The following HNRNPUL1 variants were observed in gnomAD, a reference collection of about 807,000 sequenced individuals.
HNRNPUL1 encodes the protein heterogeneous nuclear ribonucleoprotein U-like protein 1.
A neutral mutation model predicts 108.5 loss-of-function variants in HNRNPUL1; 14 were observed. That is an observed-to-expected ratio of 0.13 (90% CI 0.09 to 0.20). HNRNPUL1 has a LOEUF of 0.20. HNRNPUL1 is among the 10% of genes least tolerant of loss of function. The pLI is 1.00. For synonymous variants in HNRNPUL1, 422 were observed against 445.2 expected, an observed-to-expected ratio of 0.95 and a Z score of 0.66; for missense variants, 804 against 1,168.3, an observed-to-expected ratio of 0.69 and a Z score of 4.55.
rs369020424 is a variant in HNRNPUL1 at position 41,305,820 on chromosome 19, C to G, written c.2407C>G (p.Pro803Ala). ...GGCCCCCTATACCCCACCGCCACCC[C>G]CCACTGCACAGACCTACCCTCAGCC... ...NPAPYTPPPP[P>A]TAQTYPQPSY... The change falls in exon 14 of 15, where the codon CCC becomes GCC. Residue 803 changes from proline (P) to alanine (A), a missense_variant. Coordinates refer to ENST00000392006, the MANE Select transcript of HNRNPUL1 (RefSeq NM_007040.6). The G allele has an allele frequency of 1.4e-5, 22 of 1,610,670 alleles. No individual in the cohort carries two copies. The highest frequency in any genetic ancestry group is 1.9e-5 in the Non-Finnish European group (22 of 1,177,826).
In HNRNPUL1 at chr19:41,283,281, T is replaced by C. The variant is rs184276574; in HGVS notation, c.999+2006T>C. On this transcript the variant is annotated intron_variant, in intron 7 of 14. Transcript: ENST00000392006. ...AGTACAGTATTAAATCATAACTGTT[T>C]TTATTTTATTTTTTTGAAGACAGAT... 2.2e-3 allele frequency among the ~76,000 whole-genome samples: 334 copies of C among 152,244 alleles called. 2 individuals carry two copies. Among genetic ancestry groups the C allele is most frequent in the African/African-American group, 7.7e-3 (318 of 41,542 alleles).
chr19:41,303,774 C>G (rs2037380497), intron 12 of HNRNPUL1, among the ~76,000 whole-genome samples, 198 bp from the exon 13 acceptor site: 2 of 152,192 alleles, frequency 1.3e-5, no homozygotes, highest in East Asian at 1.9e-4. Flanking sequence ...GTGAATGAGA[C>G]AAACCTGTCA....
At chr19:41,265,178 C>T (rs770954527) in intron 1 of HNRNPUL1, 20 of 1,465,532 alleles carry the variant, frequency 1.4e-5, no homozygotes, top group Non-Finnish European at 1.8e-5. Context: ...GTACGGAGCT[C>T]CGTGGGCTTG....
rs373007462 is a variant in HNRNPUL1, at chr19:41,264,638, G to C, written c.135G>C (p.Glu45Asp). Residue 45 changes from glutamate to aspartate, a missense_variant, in exon 1 of 15, where the codon GAG (glutamate) becomes GAC (aspartate). Physicochemically the swap from Glu to Asp is conservative, Grantham distance 45. This residue lies in a region of HNRNPUL1 where 256 missense variants were observed against 261.6 expected (regional missense o/e 0.98). Transcript: ENST00000392006. ...TGGAGGCCGAGGAGCCTGACGACGA[G>C]CGGGAGCTCGACGCCGACGACGAAC... ...AALEAEEPDD[E>D]RELDADDEPG... is the part of the protein sequence containing the mutation. 7 of 1,585,314 alleles carry C rather than the reference G, an allele frequency of 4.4e-6. No individual in the cohort carries two copies. Among genetic ancestry groups the C allele is most frequent in the Middle Eastern group, 1.9e-4 (1 of 5,380 alleles).
chr19:41,299,961 C>T (rs1355133951), intron 10 of HNRNPUL1, among the ~76,000 whole-genome samples: 5 of 152,056 alleles, frequency 3.3e-5, no homozygotes, highest in East Asian at 1.9e-4. Flanking sequence ...CTTTTACTCA[C>T]GTGGACTCAT....
intron 3 of HNRNPUL1, 126 bp downstream of exon 3, chr19:41,272,361 T>C: frequency 1.0e-6 from 1 of 952,900 alleles, no homozygotes; most frequent in South Asian, 1.7e-5. Context: ...TTTCACACTC[T>C]TCCTGTCCCT....
chr19:41,272,004 C>T, intron 2 of HNRNPUL1, 78 bp from the exon 3 acceptor site: 8 of 1,520,108 alleles, frequency 5.3e-6, no homozygotes, highest in Non-Finnish European at 4.5e-6. Context: ...TCACATCTCT[C>T]AAGGGAAAAG....
At chr19:41,269,480 GAAAAAAAAAA>G (rs35932282) in intron 2 of HNRNPUL1, among the ~76,000 whole-genome samples, 1 of 48,202 alleles carries the variant, frequency 2.1e-5, no homozygotes, top group Non-Finnish European at 3.9e-5. Context: ...ACCCTGTCAC[GAAAAAAAAAA>G]AAAAAAAAAA....
At chr19:41,265,860 G>A (rs1434067070) in intron 1 of HNRNPUL1, among the ~76,000 whole-genome samples, 1 of 151,984 alleles carries the variant, frequency 6.6e-6, no homozygotes, top group Non-Finnish European at 1.5e-5. Flanking sequence ...TGGGGAGGGG[G>A]GAGGCCGTAG....
intron 5 of HNRNPUL1, chr19:41,278,535 A>G (rs983513827): frequency 6.5e-6 from 1 of 152,798 alleles, no homozygotes; most frequent in African/African-American, 2.4e-5. Context: ...ACATACGTAG[A>G]CATACTTGTC....
chr19:41,266,467 T>C (rs1471830280), intron 1 of HNRNPUL1, among the ~76,000 whole-genome samples: 2 of 144,044 alleles, frequency 1.4e-5, no homozygotes, highest in East Asian at 4.3e-4. Context: ...TTCTCTTTTT[T>C]TTAAATACAG....
Position 41,285,251 on chromosome 19 carries a change from T to C in HNRNPUL1, c.999+3976T>C, listed in dbSNP as rs933346188. ...AAGGTATAATTGAAGAGAAGGGATA[T>C]CTGCCTGAACAGATTTTTAATGCCA... On this transcript the variant is annotated intron_variant, in intron 7 of 14. Transcript: ENST00000392006. Among the ~76,000 whole-genome samples, 7 of 152,258 alleles carry C rather than the reference T, an allele frequency of 4.6e-5. No individual in the cohort carries two copies. In the Middle Eastern group the frequency reaches 0.014, roughly 296 times the overall value.
At position 41,292,563 on chromosome 19, in the gene HNRNPUL1, G is replaced by GACAC. The variant is rs57173622; in HGVS notation, c.1266+72_1266+75dup. 358 of 1,505,020 alleles carry GACAC rather than the reference G, an allele frequency of 2.4e-4. No individual in the cohort carries two copies. The highest frequency in any genetic ancestry group is 5.3e-4 in the African/African-American group (38 of 71,826). 93.2% of individuals were successfully genotyped at this position (1,505,020 alleles called of 1,614,324 possible). On this transcript the variant is annotated intron_variant, in intron 8 of 14. Coordinates refer to ENST00000392006, the MANE Select transcript of HNRNPUL1 (RefSeq NM_007040.6). The surrounding 1 kb of genome is among the most constrained non-coding windows in gnomAD (Gnocchi z 4.1). ...GCCACCTTGCTGCCAAGACAGAGGA[G>GACAC]ACACACACACACACACACACACAGA...
intron 10 of HNRNPUL1, among the ~76,000 whole-genome samples, chr19:41,299,183 G>A (rs1456632752): frequency 6.6e-6 from 1 of 152,140 alleles, no homozygotes; most frequent in Non-Finnish European, 1.5e-5. Context: ...TTGTGGGCCG[G>A]TGTCCAAGAC....
chr19:41,277,109 C>CA (rs368135195), intron 5 of HNRNPUL1, among the ~76,000 whole-genome samples: 3 of 111,540 alleles, frequency 2.7e-5, no homozygotes, highest in Admixed American at 8.7e-5. Context: ...AAAAAAAAAA[C>CA]AAAAAAACAA....
At chr19:41,265,992 G>C (rs2034815763) in intron 1 of HNRNPUL1, among the ~76,000 whole-genome samples, 2 of 152,218 alleles carry the variant, frequency 1.3e-5, no homozygotes. Context: ...AGTTATTTGT[G>C]TACCCAGGGA....
At chr19:41,283,841 C>A (rs549724501) in intron 7 of HNRNPUL1, among the ~76,000 whole-genome samples, 1 of 152,308 alleles carries the variant, frequency 6.6e-6, no homozygotes, top group South Asian at 2.1e-4. Flanking sequence ...GATCTGCCCA[C>A]CTCGGCCTGC....
chr19:41,300,321 A>T (rs1599848070), intron 10 of HNRNPUL1, among the ~76,000 whole-genome samples: 2 of 145,396 alleles, frequency 1.4e-5, no homozygotes, highest in African/African-American at 5.0e-5. Flanking sequence ...TTCAGAATAC[A>T]TTTTTTTTTT....
chr19:41,286,739 G>A (rs1247295193), intron 7 of HNRNPUL1: 5 of 117,752 alleles, frequency 4.2e-5, no homozygotes, highest in African/African-American at 1.7e-4. Flanking sequence ...TTTTTTGAGA[G>A]AAGTCTCACT....
Sources: gnomAD v4.1 joint callset for allele counts (sites outside exome capture counted in the v4.1 genomes callset) on GRCh38, gnomAD v4.1.1 for gene constraint, gnomAD v4.1.1 regional missense constraint, Gnocchi (gnomAD v3.1) non-coding constraint, MANE v1.5 for transcripts, NCBI Gene and HGNC (gene_info 2026-07-23, HGNC 2026-07-21) for gene names.